Variants in ARFGEF1 observed in about 807,000 individuals in gnomAD.
ARFGEF1 encodes the protein brefeldin A-inhibited guanine nucleotide-exchange protein 1.
A neutral mutation model predicts 231.0 loss-of-function variants in ARFGEF1; 42 were observed. That is an observed-to-expected ratio of 0.18 (90% CI 0.14 to 0.24). The LOEUF (loss-of-function observed/expected upper bound fraction) is 0.24, where lower values mean the gene tolerates loss of function less well. ARFGEF1 is among the 10% of genes least tolerant of loss of function. ARFGEF1 has a pLI of 1.00. For synonymous variants in ARFGEF1, 710 were observed against 732.3 expected (o/e 0.97, Z 0.49); for missense variants, 1,345 against 2,192.0 (o/e 0.61, Z 7.72).
At chr8:67,310,029 G>C (rs1368747695) in intron 1 of ARFGEF1, among the ~76,000 whole-genome samples, 2 of 152,118 alleles carry the variant, frequency 1.3e-5, no homozygotes, top group African/African-American at 4.8e-5. Context: ...CAAACCTATA[G>C]ATTCAGCTGA....
chr8:67,262,522 G>A (rs940451048), intron 14 of ARFGEF1, among the ~76,000 whole-genome samples: 1 of 152,264 alleles, frequency 6.6e-6, no homozygotes, highest in African/African-American at 2.4e-5. Flanking sequence ...AGTTTGAGAC[G>A]ACAGACTCCA....
At chr8:67,242,022 C>T (rs898913904) in intron 19 of ARFGEF1, among the ~76,000 whole-genome samples, 19 of 152,254 alleles carry the variant, frequency 1.2e-4, no homozygotes, top group African/African-American at 4.3e-4. Context: ...AGCATTCAGA[C>T]GAGCCACAGC....
chr8:67,220,405 G>A (rs1293591548), intron 29 of ARFGEF1, among the ~76,000 whole-genome samples: 1 of 152,134 alleles, frequency 6.6e-6, no homozygotes, highest in Non-Finnish European at 1.5e-5. Flanking sequence ...GCTCTCATAA[G>A]GACTGGAACA....
intron 29 of ARFGEF1, among the ~76,000 whole-genome samples, chr8:67,222,936 C>T (rs1839250117): frequency 6.6e-6 from 1 of 152,192 alleles, no homozygotes; most frequent in Non-Finnish European, 1.5e-5. Context: ...CAGCTGCCTA[C>T]AGTACAGTAA....
intron 1 of ARFGEF1, among the ~76,000 whole-genome samples, chr8:67,323,800 TCTA>T (rs1268473120): frequency 6.6e-6 from 1 of 151,564 alleles, no homozygotes; most frequent in Non-Finnish European, 1.5e-5. Context: ...ATCCCAGAAA[TCTA>T]CTTTTTTTTT....
At chr8:67,329,735 T>C (rs2128932548) in intron 1 of ARFGEF1, among the ~76,000 whole-genome samples, 1 of 151,930 alleles carries the variant, frequency 6.6e-6, no homozygotes, top group Admixed American at 6.5e-5. Flanking sequence ...TTAGGGACAT[T>C]AATTTACTAA....
chr8:67,324,405 C>T (rs1410470521), intron 1 of ARFGEF1, among the ~76,000 whole-genome samples: 1 of 152,214 alleles, frequency 6.6e-6, no homozygotes, highest in South Asian at 2.1e-4. Context: ...TAAGTGCAGA[C>T]ATGCTTCCTT....
At chr8:67,205,855 C>T (rs1319943597) in intron 34 of ARFGEF1, among the ~76,000 whole-genome samples, 2 of 146,302 alleles carry the variant, frequency 1.4e-5, no homozygotes, top group Non-Finnish European at 3.0e-5. Context: ...GAGACTCCGT[C>T]TCAAAAAAAT....
chr8:67,309,742 T>C (rs1301911501), intron 1 of ARFGEF1, among the ~76,000 whole-genome samples: 1 of 152,250 alleles, frequency 6.6e-6, no homozygotes, highest in African/African-American at 2.4e-5. Flanking sequence ...GGGTGTTAAC[T>C]AGCCTCTTTT....
chr8:67,292,455 A>C (rs1462187173), intron 5 of ARFGEF1, among the ~76,000 whole-genome samples: 1 of 152,162 alleles, frequency 6.6e-6, no homozygotes, highest in African/African-American at 2.4e-5. Context: ...ATAAGAAGCT[A>C]GTACTAACAA....
chr8:67,238,537 A>T (rs1839837211), intron 21 of ARFGEF1, 44 bp from the exon 22 acceptor site: 1 of 1,553,088 alleles, frequency 6.4e-7, no homozygotes. Context: ...CATGTTAAAA[A>T]TATCTTCAAA....
chr8:67,311,238 G>T (rs1248517547), intron 1 of ARFGEF1, among the ~76,000 whole-genome samples: 10 of 142,344 alleles, frequency 7.0e-5, no homozygotes, highest in Non-Finnish European at 1.2e-4. Flanking sequence ...GGAGGGAGGT[G>T]GGGAGGTCAG....
At chr8:67,192,711 G>A (rs1357702325), downstream of ARFGEF1, among the ~76,000 whole-genome samples, 2 of 152,208 alleles carry the variant, frequency 1.3e-5, no homozygotes, top group Non-Finnish European at 2.9e-5. Context: ...AGGGGTCCAA[G>A]TCCATTCTTT....
chr8:67,229,867 G>A (rs1294621709), intron 23 of ARFGEF1, among the ~76,000 whole-genome samples: 1 of 152,016 alleles, frequency 6.6e-6, no homozygotes, highest in East Asian at 1.9e-4. Flanking sequence ...TAACTGAGAA[G>A]AAAGCAAATG....
chr8:67,343,047 TC>T (rs1312862910), intron 1 of ARFGEF1, 116 bp downstream of exon 1: 1 of 1,236,836 alleles, frequency 8.1e-7, no homozygotes, highest in Non-Finnish European at 1.1e-6. Flanking sequence ...CGCGAGGGCT[TC>T]CCGAGGTCAG....
At chr8:67,318,047 C>T (rs1250517335) in intron 1 of ARFGEF1, among the ~76,000 whole-genome samples, 5 of 151,592 alleles carry the variant, frequency 3.3e-5, no homozygotes, top group African/African-American at 1.2e-4. Flanking sequence ...ACCATCCTGG[C>T]TAACACGGTG....
At chr8:67,276,242 G>C (rs1805307903) in intron 8 of ARFGEF1, 133 bp from the exon 9 acceptor site, 1 of 918,576 alleles carries the variant, frequency 1.1e-6, no homozygotes, top group African/African-American at 1.7e-5. Context: ...AACCAGATGA[G>C]GGAATCTGCC....
chr8:67,223,755 G>T (rs944471218), intron 29 of ARFGEF1, among the ~76,000 whole-genome samples: 17 of 152,252 alleles, frequency 1.1e-4, no homozygotes, highest in African/African-American at 1.9e-4. Flanking sequence ...AATAAAGGGT[G>T]AGGGGAGAGG....
chr8:67,190,821 C>G, intron 5 of ARFGEF1: 1 of 1,222,616 alleles, frequency 8.2e-7, no homozygotes, highest in Non-Finnish European at 1.2e-6. Context: ...GGGTTCTGAC[C>G]TGTGCTAAAT....
Sources: gnomAD v4.1 joint callset for allele counts (sites outside exome capture counted in the v4.1 genomes callset) on GRCh38, gnomAD v4.1.1 for gene constraint, MANE v1.5 for transcripts, NCBI Gene and HGNC (gene_info 2026-07-23, HGNC 2026-07-21) for gene names.